The following GRIK2 variants were observed in gnomAD, a reference collection of about 807,000 sequenced individuals.
GRIK2 encodes glutamate ionotropic receptor kainate type subunit 2, also known as glutamate receptor ionotropic, kainate 2.
Under a neutral mutation model 100.3 loss-of-function variants are expected in GRIK2, and 32 were observed. The observed-to-expected ratio is 0.32, with a 90% CI of 0.24 to 0.43. GRIK2 has a LOEUF of 0.43. Ranked by LOEUF, GRIK2 falls within the 20% of genes least tolerant of loss-of-function variation. GRIK2 has a pLI of 1.00. For missense variants in GRIK2, 843 were observed against 1,114.9 expected, an observed-to-expected ratio of 0.76 and a Z score of 3.47; for synonymous variants, 417 against 389.4, an observed-to-expected ratio of 1.07 and a Z score of -0.83.
At chr6:101,547,786 G>A (rs1393755579) in intron 2 of GRIK2, among the ~76,000 whole-genome samples, 2 of 151,714 alleles carry the variant, frequency 1.3e-5, no homozygotes, top group African/African-American at 4.8e-5. Context: ...ACATACATGT[G>A]CATGTGTCTT....
At chr6:101,466,842 G>A (rs1372312640) in intron 2 of GRIK2, among the ~76,000 whole-genome samples, 2 of 152,132 alleles carry the variant, frequency 1.3e-5, no homozygotes, top group African/African-American at 4.8e-5. Context: ...AATGTTTGTT[G>A]TTGTCTATAT....
chr6:101,956,308 T>C (rs928952768), intron 14 of GRIK2, among the ~76,000 whole-genome samples: 5 of 152,134 alleles, frequency 3.3e-5, no homozygotes, highest in African/African-American at 1.2e-4. Flanking sequence ...CCACATGAGA[T>C]ATTAATTTTA....
intron 14 of GRIK2, among the ~76,000 whole-genome samples, chr6:101,994,487 CT>C (rs548504492): frequency 5.3e-5 from 8 of 151,772 alleles, no homozygotes; most frequent in East Asian, 1.9e-4. Context: ...ATTTTAAATA[CT>C]TTTTTTATAT....
At chr6:101,426,166 G>A (rs935939081) in intron 2 of GRIK2, among the ~76,000 whole-genome samples, 1 of 152,116 alleles carries the variant, frequency 6.6e-6, no homozygotes, top group Non-Finnish European at 1.5e-5. Context: ...GTACAACACT[G>A]TGCTTAAGGT....
chr6:101,549,266 T>G (rs1776394575), intron 2 of GRIK2, among the ~76,000 whole-genome samples: 1 of 111,922 alleles, frequency 8.9e-6, no homozygotes. Flanking sequence ...GGGTTAGTAG[T>G]GATGAACTGA....
rs9390801 is a variant in GRIK2, at chr6:102,047,888, C to T, written c.2312-7442C>T. Among the ~76,000 whole-genome samples, 1,562 of 151,728 alleles carry T rather than the reference C, an allele frequency of 0.01. 118 individuals are homozygous for T. The East Asian group carries it at 0.19, about 19-fold the overall frequency. On this transcript the variant is annotated intron_variant, in intron 15 of 16. Transcript: ENST00000369134. ...TAGATTATGTGAAATTACAAAAAGG[C>T]CTAATACTCAAGGCAATAATGAGCA...
intron 14 of GRIK2, among the ~76,000 whole-genome samples, chr6:101,982,224 T>C (rs1376139432): frequency 6.6e-6 from 1 of 151,916 alleles, no homozygotes; most frequent in East Asian, 1.9e-4. Flanking sequence ...ATCTTGAGTA[T>C]AGTCTTTTCC....
At position 101,601,940 on chromosome 6, in the gene GRIK2, G is replaced by A. The variant is rs533269185; in HGVS notation, c.116-20009G>A. On this transcript the variant is annotated intron_variant, in intron 2 of 16. Transcript: ENST00000369134. ...TGGGTCTTAATTTTATTCAGTTCCTGTCTAATTATAGTTATTTTCTTCTGC... is the reference window on the plus strand; with the variant it reads ...TGGGTCTTAATTTTATTCAGTTCCTATCTAATTATAGTTATTTTCTTCTGC... Among the ~76,000 whole-genome samples the A allele has an allele frequency of 4.6e-4, 69 of 151,502 alleles. 1 individual carries two copies. In the South Asian group the frequency reaches 0.014, roughly 31 times the overall value.
chr6:101,730,253 A>C (rs924217557), intron 7 of GRIK2, among the ~76,000 whole-genome samples: 9 of 151,964 alleles, frequency 5.9e-5, no homozygotes, highest in African/African-American at 1.7e-4. Context: ...AAGGATCCAG[A>C]AGTAAAAGTC....
At chr6:101,904,146 T>C (rs985951911) in intron 12 of GRIK2, among the ~76,000 whole-genome samples, 5 of 126,858 alleles carry the variant, frequency 3.9e-5, no homozygotes, top group Non-Finnish European at 8.4e-5. Context: ...ATGTGAAGCA[T>C]TGCTTTAACA....
chr6:101,803,280 C>T (rs1049822546), intron 9 of GRIK2, among the ~76,000 whole-genome samples: 4 of 151,752 alleles, frequency 2.6e-5, no homozygotes, highest in African/African-American at 9.6e-5. Context: ...AAAGCTGAGA[C>T]CTACGAAGGG....
intron 16 of GRIK2, chr6:102,065,715 A>T: frequency 1.3e-6 from 1 of 795,718 alleles, no homozygotes; most frequent in Non-Finnish European, 2.0e-6. Flanking sequence ...TACACGTCCT[A>T]TAACAATTTT....
chr6:101,996,772 T>TA (rs1207773815), intron 14 of GRIK2, among the ~76,000 whole-genome samples: 3 of 152,048 alleles, frequency 2.0e-5, no homozygotes, highest in Non-Finnish European at 4.4e-5. Flanking sequence ...CCCTTACACT[T>TA]ACTCACCAAG....
chr6:101,543,104 C>T (rs774064287), intron 2 of GRIK2, among the ~76,000 whole-genome samples: 5 of 151,780 alleles, frequency 3.3e-5, no homozygotes, highest in African/African-American at 4.8e-5. Flanking sequence ...AACAAGCAAA[C>T]AAAAAAAGGA....
intron 7 of GRIK2, among the ~76,000 whole-genome samples, chr6:101,786,407 C>A (rs1043163952): frequency 1.3e-5 from 2 of 151,890 alleles, no homozygotes; most frequent in Non-Finnish European, 2.9e-5. Context: ...TCAGCTTTTT[C>A]CCATACATTA....
intron 12 of GRIK2, chr6:101,890,146 T>A: frequency 4.1e-6 from 1 of 246,796 alleles, no homozygotes; most frequent in Non-Finnish European, 7.6e-6. Context: ...GATAAATGAA[T>A]CATTGCCTCA....
chr6:101,506,095 A>G (rs1051264902), intron 2 of GRIK2, among the ~76,000 whole-genome samples: 10 of 152,162 alleles, frequency 6.6e-5, no homozygotes, highest in Admixed American at 6.6e-4. Flanking sequence ...TGAAATATGT[A>G]GAATAATTAT....
intron 11 of GRIK2, among the ~76,000 whole-genome samples, chr6:101,862,055 A>C (rs1184541233): frequency 6.6e-6 from 1 of 152,190 alleles, no homozygotes; most frequent in Non-Finnish European, 1.5e-5. Context: ...AGTTGTAAAC[A>C]GTTTCCTTTT....
chr6:101,622,291 C>T (rs1469438951), intron 3 of GRIK2, among the ~76,000 whole-genome samples, 175 bp downstream of exon 3: 3 of 152,014 alleles, frequency 2.0e-5, no homozygotes, highest in Non-Finnish European at 4.4e-5. Flanking sequence ...TATAATTCCT[C>T]TTGCAAAAAA....
Sources: allele counts gnomAD v4.1 joint callset (sites outside exome capture counted in the v4.1 genomes callset), GRCh38; gene constraint gnomAD v4.1.1; transcripts MANE v1.5; gene names NCBI Gene and HGNC (gene_info 2026-07-23, HGNC 2026-07-21).